TRIM5: variants seen among roughly 807,000 people sequenced by gnomAD.
TRIM5 encodes tripartite motif containing 5.
A neutral mutation model predicts 35.6 loss-of-function variants in TRIM5; 31 were observed. That is an observed-to-expected ratio of 0.87 (90% confidence interval 0.65 to 1.18). TRIM5 has a LOEUF of 1.18. Ranked by LOEUF, TRIM5 falls within the 50% of genes most tolerant of loss-of-function variation. The pLI is 0.00. For synonymous variants in TRIM5, 243 were observed against 215.6 expected (o/e 1.13, Z -1.11); for missense variants, 609 against 591.6 (o/e 1.03, Z -0.31).
the TRIM5 span, among the ~76,000 whole-genome samples, chr11:5,633,131 C>G: frequency 3.2e-4 from 45 of 142,576 alleles, no homozygotes; most frequent in Non-Finnish European, 6.1e-4. Flanking sequence ...AGCCACCATG[C>G]CCGGCCTTTT....
chr11:5,660,227 A>C (rs976856449), downstream of TRIM5, among the ~76,000 whole-genome samples: 2 of 152,082 alleles, frequency 1.3e-5, no homozygotes, highest in South Asian at 2.1e-4. Context: ...TGCCCACCTC[A>C]GCCTCCCAAA....
chr11:5,595,735 TGAGA>T, the TRIM5 span, among the ~76,000 whole-genome samples: 1 of 151,612 alleles, frequency 6.6e-6, no homozygotes, highest in African/African-American at 2.4e-5. Context: ...TTTTTTTTTT[TGAGA>T]GAGAGTCTCG....
chr11:5,605,214 C>T, the TRIM5 span: 1 of 1,286,078 alleles, frequency 7.8e-7, no homozygotes, highest in South Asian at 1.2e-5. Flanking sequence ...GCAGCATTTA[C>T]CCTCCCTCTC....
chr11:5,646,139 C>T, the TRIM5 span, among the ~76,000 whole-genome samples: 1 of 150,642 alleles, frequency 6.6e-6, no homozygotes, highest in Admixed American at 6.7e-5. Flanking sequence ...ACACACATAT[C>T]CCCAAATACA....
chr11:5,667,724 G>C lies in TRIM5; in HGVS notation c.745-13C>G, dbSNP rs1413073082. On this transcript the variant is annotated splice_polypyrimidine_tract_variant and intron_variant, in intron 4 of 7. Transcript: ENST00000380034. ...CGCCATCCACACCCTAGGAAGAAGA[G>C]AGAAAACATCAATTAAGAAAGAAAG... The C allele has an allele frequency of 6.2e-7, 1 of 1,612,940 alleles. No homozygotes were observed.
At chr11:5,596,646 TG>T in the TRIM5 span, 1 of 469,046 alleles carries the variant, frequency 2.1e-6, no homozygotes, top group Non-Finnish European at 3.7e-6. Context: ...CAGAAGGAGT[TG>T]GGAGATGAGC....
At chr11:5,599,443 G>C in the TRIM5 span, among the ~76,000 whole-genome samples, 4 of 150,494 alleles carry the variant, frequency 2.7e-5, no homozygotes, top group Admixed American at 6.6e-5. Flanking sequence ...TCGCTCTGTC[G>C]CCCAGGCTGG....
intron 1 of TRIM5, among the ~76,000 whole-genome samples, chr11:5,681,439 A>C (rs57723437): frequency 2.0e-5 from 3 of 152,224 alleles, no homozygotes; most frequent in African/African-American, 7.2e-5. Flanking sequence ...TAAAAACATA[A>C]GTGATTAACT....
At chr11:5,659,190 C>A (rs1850732519), downstream of TRIM5, among the ~76,000 whole-genome samples, 1 of 152,060 alleles carries the variant, frequency 6.6e-6, no homozygotes, top group Non-Finnish European at 1.5e-5. Context: ...GCGGGGCCCA[C>A]AGGAGCTGTA....
At chr11:5,655,631 C>T in the TRIM5 span, 4 of 985,140 alleles carry the variant, frequency 4.1e-6, no homozygotes, top group Non-Finnish European at 4.8e-6. Flanking sequence ...TTGCCATGCT[C>T]CTCAGCGTCA....
the TRIM5 span, chr11:5,604,735 T>A: frequency 2.5e-6 from 3 of 1,207,982 alleles, no homozygotes; most frequent in Non-Finnish European, 2.3e-6. Flanking sequence ...ATGCCATGAC[T>A]AGAAGAGCTT....
the TRIM5 span, among the ~76,000 whole-genome samples, chr11:5,657,625 T>A: frequency 9.4e-6 from 1 of 105,926 alleles, no homozygotes; most frequent in African/African-American, 3.5e-5. Flanking sequence ...TTATATATAA[T>A]GCATTATATA....
chr11:5,665,634 T>C, intron 7 of TRIM5, 22 bp downstream of exon 7: 4 of 1,566,322 alleles, frequency 2.6e-6, no homozygotes, highest in Non-Finnish European at 2.6e-6. Context: ...GGGTGGCTTA[T>C]GATAATGTGA....
chr11:5,596,782 C>A, the TRIM5 span: 54 of 1,539,512 alleles, frequency 3.5e-5, no homozygotes, highest in South Asian at 5.4e-4. Context: ...TAGATAAAAG[C>A]CGAGTGAGCG....
rs372681335 is a variant in TRIM5 at position 5,664,978 on chromosome 11, A to C, written c.1313T>G (p.Val438Gly). The C allele has an allele frequency of 3.7e-5, 59 of 1,614,092 alleles. No individual in the cohort carries two copies. Among genetic ancestry groups the C allele is most frequent in the Non-Finnish European group, 4.7e-5 (56 of 1,180,038 alleles). The change falls in exon 8 of 8, where the codon GTT becomes GGT. Residue 438 changes from valine (V) to glycine (G), a missense_variant. Transcript: ENST00000380034. ...PLSVIICPDR[V>G]GVFLDYEACT... ...AGCCTCATAGTCTAGGAAAACTCCA[A>C]CACGATCAGGACAAATAATCACAGA...
rs1392639179 is a variant in TRIM5, at chr11:5,679,779, C to T, written c.399G>A (p.Glu133=). The T allele has an allele frequency of 1.2e-5, 19 of 1,596,420 alleles. No homozygotes were observed. Among genetic ancestry groups the T allele is most frequent in the Non-Finnish European group, 1.5e-5 (18 of 1,168,828 alleles). The change falls in exon 2 of 8, where the codon GAG becomes GAA. Residue 133 remains glutamate (E), a synonymous_variant. Transcript: ENST00000380034. ...HRGHHTFLTE[E]VAREYQVKLQ... ...CTCTTACTTGGTACTCCCGGGCAAC[C>T]TCCTCTGTGAGGAACGTGTGGTGAC...
the TRIM5 span, among the ~76,000 whole-genome samples, chr11:5,623,943 G>A: frequency 1.3e-5 from 2 of 152,104 alleles, no homozygotes; most frequent in Non-Finnish European, 2.9e-5. Flanking sequence ...CTCTACAGGA[G>A]GTAGACTAGG....
Position 5,665,310 on chromosome 11 carries a change from T to A in TRIM5, c.981A>T (p.Ile327=). ...ATCTTGTCCCTCGTGCCCCATATAT[T>A]ATCTGTGGTTTCGGAGAGCTCACTT... ...KRQVSSPKPQ[I]IYGARGTRYQ... Residue 327 remains isoleucine, a synonymous_variant, in exon 8 of 8, where the codon ATA becomes ATT. Coordinates refer to ENST00000380034, the MANE Select transcript of TRIM5 (RefSeq NM_033034.3). 6.2e-7 allele frequency: 1 copy of A among 1,614,162 alleles called. No individual in the cohort carries two copies. The highest frequency in any genetic ancestry group is 8.5e-7 in the Non-Finnish European group (1 of 1,180,028).
Position 5,679,787 on chromosome 11 carries a change from T to C in TRIM5, c.391A>G (p.Thr131Ala). 6.2e-7 allele frequency: 1 copy of C among 1,606,248 alleles called. No individual in the cohort carries two copies. Among genetic ancestry groups the C allele is most frequent in the Non-Finnish European group, 8.5e-7 (1 of 1,175,302 alleles). The part of the protein sequence containing the change: ...QEHRGHHTFL[T>A]EEVAREYQVK... ...TGGTACTCCCGGGCAACCTCCTCTG[T>C]GAGGAACGTGTGGTGACCACGGTGC... is the stretch of plus-strand genomic sequence containing the variant. The change falls in exon 2 of 8, where the codon ACA becomes GCA. Residue 131 changes from threonine (T) to alanine (A), a missense_variant. By Grantham distance (58) the Thr-to-Ala change is moderately conservative (BLOSUM62 0). Transcript: ENST00000380034.
Sources: gnomAD v4.1 joint callset for allele counts (sites outside exome capture counted in the v4.1 genomes callset) on GRCh38, gnomAD v4.1.1 for gene constraint, MANE v1.5 for transcripts, NCBI Gene and HGNC (gene_info 2026-07-23, HGNC 2026-07-21) for gene names.